ZNF148: variants seen among roughly 807,000 people sequenced by gnomAD.
The protein encoded by ZNF148 is zinc finger protein 148.
Under a neutral mutation model 67.7 loss-of-function variants are expected in ZNF148, and 7 were observed. That is an observed-to-expected ratio of 0.10 (90% CI 0.06 to 0.19). The LOEUF (loss-of-function observed/expected upper bound fraction) is 0.19. Among genes scored for constraint, ZNF148 ranks in the 10% least tolerant of loss-of-function variants. ZNF148 has a pLI of 1.00. For synonymous variants in ZNF148, 333 were observed against 330.7 expected (o/e 1.01, Z -0.08); for missense variants, 583 against 947.1 (o/e 0.62, Z 5.05).
Position 125,229,270 on chromosome 3 carries a change from G to A in ZNF148, c.*3071C>T, listed in dbSNP as rs532299139. On this transcript the variant is annotated 3_prime_UTR_variant, in exon 9 of 9. Coordinates refer to ENST00000360647, the MANE Select transcript of ZNF148 (RefSeq NM_021964.3). ...TAATCAAATGAAAGAAGCGGCAAAA[G>A]ATCTAACCTAGCTGGCACTCTGCAA... 2.0e-4 allele frequency: 29 copies of A among 146,822 alleles called. No homozygotes were observed. The highest frequency in any genetic ancestry group is 7.3e-4 in the African/African-American group (29 of 39,676). 9.1% of individuals were successfully genotyped at this position (146,822 alleles called of 1,614,324 possible).
chr3:125,299,040 G>A (rs1385507369), intron 4 of ZNF148, among the ~76,000 whole-genome samples: 3 of 152,026 alleles, frequency 2.0e-5, no homozygotes, highest in East Asian at 1.9e-4. Flanking sequence ...CTATTTCTTT[G>A]GAATTAGAGT....
intron 7 of ZNF148, among the ~76,000 whole-genome samples, chr3:125,254,779 C>T (rs946180862): frequency 2.6e-5 from 4 of 151,970 alleles, no homozygotes; most frequent in Non-Finnish European, 5.9e-5. Context: ...CCATACGGTT[C>T]TGTTTTGATA....
intron 7 of ZNF148, among the ~76,000 whole-genome samples, chr3:125,241,045 T>C (rs1936330483): frequency 6.6e-6 from 1 of 152,066 alleles, no homozygotes; most frequent in Non-Finnish European, 1.5e-5. Flanking sequence ...TCTTTTTTCA[T>C]ATCCCTTTTC....
At chr3:125,235,900 T>C (rs1936064734) in intron 7 of ZNF148, among the ~76,000 whole-genome samples, 1 of 127,624 alleles carries the variant, frequency 7.8e-6, no homozygotes, top group African/African-American at 3.1e-5. Context: ...AATTGAACAA[T>C]GAGAACACCT....
chr3:125,369,079 T>C (rs934074229), intron 1 of ZNF148, among the ~76,000 whole-genome samples: 4 of 151,362 alleles, frequency 2.6e-5, no homozygotes, highest in Admixed American at 6.6e-5. Context: ...CTGGCCAACA[T>C]GGTGAAACCG....
chr3:125,255,173 G>A (rs890563167), intron 7 of ZNF148, among the ~76,000 whole-genome samples: 12 of 145,866 alleles, frequency 8.2e-5, no homozygotes, highest in African/African-American at 3.0e-4. Flanking sequence ...CATTATCAAT[G>A]TCTGGTCTGT....
intron 1 of ZNF148, among the ~76,000 whole-genome samples, chr3:125,374,676 C>A (rs929954276): frequency 3.3e-5 from 5 of 152,086 alleles, no homozygotes; most frequent in African/African-American, 4.8e-5. Flanking sequence ...ACTCCGGCAG[C>A]AACAGTGACT....
intron 4 of ZNF148, among the ~76,000 whole-genome samples, chr3:125,309,952 G>A (rs1436278182): frequency 6.6e-6 from 1 of 152,104 alleles, no homozygotes; most frequent in Non-Finnish European, 1.5e-5. Context: ...GCAATCATAT[G>A]GCGTCTGCTC....
At chr3:125,284,488 C>A (rs1014900285) in intron 5 of ZNF148, among the ~76,000 whole-genome samples, 5 of 152,118 alleles carry the variant, frequency 3.3e-5, no homozygotes, top group Admixed American at 1.3e-4. Flanking sequence ...CACTTAAAGT[C>A]TAGCAGTGTG....
intron 4 of ZNF148, among the ~76,000 whole-genome samples, chr3:125,295,319 G>A (rs1939224683): frequency 6.6e-6 from 1 of 152,058 alleles, no homozygotes; most frequent in Non-Finnish European, 1.5e-5. Flanking sequence ...TGGGCACAGT[G>A]GCAGACTCCT....
intron 4 of ZNF148, among the ~76,000 whole-genome samples, chr3:125,299,477 C>T (rs530233379): frequency 6.6e-6 from 1 of 152,086 alleles, no homozygotes; most frequent in Non-Finnish European, 1.5e-5. Flanking sequence ...CCAGCCTGGG[C>T]AACCTAGCAA....
intron 2 of ZNF148, among the ~76,000 whole-genome samples, chr3:125,326,472 A>C (rs1324640641): frequency 6.6e-6 from 1 of 151,770 alleles, no homozygotes; most frequent in East Asian, 1.9e-4. Flanking sequence ...CCACAAAGAA[A>C]ATATCTTTAA....
chr3:125,365,392 T>G (rs1474143802), intron 1 of ZNF148, among the ~76,000 whole-genome samples: 2 of 152,206 alleles, frequency 1.3e-5, no homozygotes, highest in Non-Finnish European at 2.9e-5. Context: ...GTATTTAGTT[T>G]CTATCATTCA....
intron 1 of ZNF148, among the ~76,000 whole-genome samples, chr3:125,366,267 T>TA (rs1268051616): frequency 6.6e-6 from 1 of 152,210 alleles, no homozygotes; most frequent in African/African-American, 2.4e-5. Flanking sequence ...TCCATAATCA[T>TA]ACAGTGGGTA....
intron 1 of ZNF148, chr3:125,344,682 CTTCT>C: frequency 1.6e-6 from 1 of 640,636 alleles, no homozygotes; most frequent in Non-Finnish European, 2.9e-6. Context: ...CTCTCTGCTT[CTTCT>C]TTATTCTCAG....
In ZNF148 at chr3:125,282,171, T is replaced by C. The variant is rs1440286767; in HGVS notation, c.460-2924A>G. On this transcript the variant is annotated intron_variant, in intron 5 of 8. Transcript: ENST00000360647. ...CGGGTAGGCAAAGAATAAAATCCCT[T>C]AGCAGAACACAAATAGCACACTAAC... Among the ~76,000 whole-genome samples the C allele has an allele frequency of 2.0e-5, 3 of 152,264 alleles. No homozygotes were observed. In the East Asian group the frequency reaches 5.8e-4, roughly 29 times the overall value.
chr3:125,300,843 A>C (rs1939549440), intron 4 of ZNF148, among the ~76,000 whole-genome samples: 1 of 152,240 alleles, frequency 6.6e-6, no homozygotes, highest in Non-Finnish European at 1.5e-5. Context: ...ACAGAACATA[A>C]GTCCTTCCTC....
chr3:125,366,280 C>T (rs1001419154), intron 1 of ZNF148, among the ~76,000 whole-genome samples: 1 of 152,146 alleles, frequency 6.6e-6, no homozygotes, highest in Non-Finnish European at 1.5e-5. Context: ...AGTGGGTAAA[C>T]AGAAGAGCCA....
At chr3:125,242,084 G>C (rs1424488939) in intron 7 of ZNF148, among the ~76,000 whole-genome samples, 2 of 152,154 alleles carry the variant, frequency 1.3e-5, no homozygotes, top group Non-Finnish European at 2.9e-5. Flanking sequence ...GCTTTATTAA[G>C]AAGGTTGGTC....
Sources: allele counts gnomAD v4.1 joint callset (sites outside exome capture counted in the v4.1 genomes callset), GRCh38; gene constraint gnomAD v4.1.1; transcripts MANE v1.5; gene names NCBI Gene and HGNC (gene_info 2026-07-23, HGNC 2026-07-21).